LIPE: variants seen among roughly 807,000 people sequenced by gnomAD.
LIPE encodes the protein lipase E, hormone sensitive type.
In LIPE, 66 loss-of-function variants were observed where a neutral mutation model predicts 88.5. That is an observed-to-expected ratio of 0.75 (90% CI 0.61 to 0.91). LIPE has a LOEUF of 0.91. LIPE is among the 40% of genes least tolerant of loss of function. The pLI is 0.00. For synonymous variants in LIPE, 570 were observed against 617.5 expected, an observed-to-expected ratio of 0.92 and a Z score of 1.14; for missense variants, 1,346 against 1,434.7, an observed-to-expected ratio of 0.94 and a Z score of 1.00.
Position 42,405,465 on chromosome 19 carries a change from CG to C in LIPE, c.2461del (p.Arg821AlafsTer14). ...RDTALLLRDFRLGASSWLNSF... is the reference protein window; with the variant it reads ...RDTALLLRDFXLGASSWLNSF... Reference sequence around the variant, plus strand: ...GTTGAGCCATGAGGAGGCACCCAGGCGGAAGTCTCGGAGGAGCAGGGCTGTG... The same window carrying C: ...GTTGAGCCATGAGGAGGCACCCAGGCGAAGTCTCGGAGGAGCAGGGCTGTG... On this transcript the variant is annotated frameshift_variant, in exon 8 of 10. Coordinates refer to ENST00000244289, the MANE Select transcript of LIPE (RefSeq NM_005357.4). LOFTEE classifies it high-confidence loss of function. 2 of 1,614,046 alleles carry C rather than the reference CG, an allele frequency of 1.2e-6. No homozygotes were observed. The highest frequency in any genetic ancestry group is 1.1e-5 in the South Asian group (1 of 91,070).
intron 1 of LIPE, chr19:42,423,566 A>C: frequency 8.2e-7 from 1 of 1,226,730 alleles, no homozygotes; most frequent in Non-Finnish European, 1.0e-6. Flanking sequence ...CGCGGGGGCC[A>C]ATTCCAGCCG....
At chr19:42,416,271 G>A (rs1305180105) in intron 1 of LIPE, among the ~76,000 whole-genome samples, 2 of 152,140 alleles carry the variant, frequency 1.3e-5, no homozygotes, top group Non-Finnish European at 2.9e-5. Context: ...TTGAACCTGG[G>A]AGGCGGTGGT....
chr19:42,401,826 C>G lies in LIPE; in HGVS notation c.3217G>C (p.Gly1073Arg). The change falls in exon 10 of 10, where the codon GGG becomes CGG. Residue 1073 changes from glycine to arginine, a missense_variant. Coordinates refer to ENST00000244289, the MANE Select transcript of LIPE (RefSeq NM_005357.4). ...TGAAGVDGGCGGRH is the reference protein window; with the variant it reads ...TGAAGVDGGCRGRH ...ACAACAGGCTTTTAGTGTCGCCCCC[C>G]GCAGCCCCCGTCTACCCCCGCAGCC... is the stretch of plus-strand genomic sequence containing the variant. The G allele has an allele frequency of 1.3e-6, 2 of 1,486,132 alleles. No individual in the cohort carries two copies. Among genetic ancestry groups the G allele is most frequent in the South Asian group, 1.3e-5 (1 of 75,968 alleles). 92.1% of individuals were successfully genotyped at this position (1,486,132 alleles called of 1,614,324 possible).
intron 1 of LIPE, among the ~76,000 whole-genome samples, chr19:42,415,218 C>T (rs954242056): frequency 3.3e-5 from 5 of 151,748 alleles, no homozygotes; most frequent in South Asian, 2.1e-4. Context: ...GAAAATAGAG[C>T]GAGAGTCTGT....
At chr19:42,402,122 A>C in intron 9 of LIPE, 47 bp from the exon 10 acceptor site, 1 of 1,417,944 alleles carries the variant, frequency 7.1e-7, no homozygotes, top group Non-Finnish European at 9.2e-7. Flanking sequence ...GGGGACAGAC[A>C]GACCGGGGTC....
At chr19:42,416,872 G>C (rs1180851764) in intron 1 of LIPE, among the ~76,000 whole-genome samples, 2 of 152,208 alleles carry the variant, frequency 1.3e-5, no homozygotes, top group African/African-American at 4.8e-5. Flanking sequence ...CTGTTCTGCA[G>C]CCCACCAGCC....
intron 1 of LIPE, among the ~76,000 whole-genome samples, chr19:42,425,977 T>C (rs2040699231): frequency 1.3e-5 from 2 of 152,036 alleles, no homozygotes; most frequent in South Asian, 4.2e-4. Flanking sequence ...AATTTTTGTA[T>C]TTTTAGTAGA....
intron 1 of LIPE, among the ~76,000 whole-genome samples, chr19:42,422,374 A>C (rs1206087700): frequency 1.3e-5 from 2 of 152,194 alleles, no homozygotes; most frequent in Non-Finnish European, 2.9e-5. Context: ...TCTTAACTAC[A>C]GTCTGTACTG....
chr19:42,426,501 GCTGTATGGATAGTTC>G lies in LIPE; in HGVS notation c.634_648del (p.Glu212_Gln216del). Reference sequence around the variant, plus strand: ...AGTGCCTTCCACTCTAGGGCTGATCGCTGTATGGATAGTTCCTGAAGTTTTGTTAGAAATCCCAGC... The same window carrying G: ...AGTGCCTTCCACTCTAGGGCTGATCGCTGAAGTTTTGTTAGAAATCCCAGC... On this transcript the variant is annotated inframe_deletion, in exon 1 of 10. Transcript: ENST00000244289. 1 of 1,614,148 alleles carries G rather than the reference GCTGTATGGATAGTTC, an allele frequency of 6.2e-7. No individual in the cohort carries two copies. Among genetic ancestry groups the G allele is most frequent in the Non-Finnish European group, 8.5e-7 (1 of 1,180,014 alleles).
At position 42,410,156 on chromosome 19, in the gene LIPE, C is replaced by T. The variant is rs1036290876; in HGVS notation, c.1419+151G>A. ...TTTGAGACCCCTGGTGCAGCTCTGT[C>T]TGAGCTCCAGCCAACTTCTCCTTTC... On this transcript the variant is annotated intron_variant, in intron 2 of 9. Transcript: ENST00000244289. The surrounding 1 kb of genome is among the most constrained non-coding windows in gnomAD (Gnocchi z 6.1). 3.5e-5 allele frequency: 28 copies of T among 797,092 alleles called. No individual in the cohort carries two copies. Among genetic ancestry groups the T allele is most frequent in the Non-Finnish European group, 4.8e-5 (25 of 515,792 alleles). The allele number at this position is 797,092 out of a possible 1,614,324, so 49.4% of individuals were successfully genotyped here.
At chr19:42,404,973 C>T (rs746639782) in intron 8 of LIPE, among the ~76,000 whole-genome samples, 16 of 152,100 alleles carry the variant, frequency 1.1e-4, no homozygotes, top group East Asian at 7.7e-4. Flanking sequence ...CAGGTTCAAG[C>T]GGTTCTCATG....
Position 42,402,803 on chromosome 19 carries a change from G to T in LIPE, c.2771C>A (p.Ala924Asp). Residue 924 changes from alanine to aspartate, a missense_variant, in exon 9 of 10, where the codon GCC becomes GAC. Transcript: ENST00000244289. ...GTCCATGGGGCTCAGCTCATTTTTGGCCTCAGCCTCTTCCCCTGCATCCTC... is the reference window on the plus strand; with the variant it reads ...GTCCATGGGGCTCAGCTCATTTTTGTCCTCAGCCTCTTCCCCTGCATCCTC... ...PPEDAGEEAE[A>D]KNELSPMDRG... 1 of 1,612,176 alleles carries T rather than the reference G, an allele frequency of 6.2e-7. No homozygotes were observed. Among genetic ancestry groups the T allele is most frequent in the Admixed American group, 1.7e-5 (1 of 59,880 alleles).
intron 1 of LIPE, among the ~76,000 whole-genome samples, chr19:42,412,929 C>T (rs994881196): frequency 6.6e-6 from 1 of 152,342 alleles, no homozygotes; most frequent in Non-Finnish European, 1.5e-5. Flanking sequence ...CAGTGCCAGG[C>T]TCAGCTAGGG....
At chr19:42,425,597 G>C (rs1568615679) in intron 1 of LIPE, among the ~76,000 whole-genome samples, 2 of 151,990 alleles carry the variant, frequency 1.3e-5, no homozygotes, top group Non-Finnish European at 2.9e-5. Flanking sequence ...GGCTTGCTTG[G>C]GGCCAGGAGT....
Position 42,410,868 on chromosome 19 carries a change from A to C in LIPE, c.884-26T>G. Reference sequence around the variant, plus strand: ...CTGTGGGCAGGTGGGGAGGCCTGTTAGGTGGGGCTGGATCAAGCCTTGCTT... The same window carrying C: ...CTGTGGGCAGGTGGGGAGGCCTGTTCGGTGGGGCTGGATCAAGCCTTGCTT... On this transcript the variant is annotated intron_variant, in intron 1 of 9. Transcript: ENST00000244289. This position sits in a 1 kb window ranked among gnomAD's most constrained non-coding sequence, Gnocchi z 6.1. 1 of 1,525,280 alleles carries C rather than the reference A, an allele frequency of 6.6e-7. No homozygotes were observed. The highest frequency in any genetic ancestry group is 8.8e-7 in the Non-Finnish European group (1 of 1,138,404). 94.5% of individuals were successfully genotyped at this position (1,525,280 alleles called of 1,614,324 possible).
chr19:42,423,662 G>T (rs1367758803), intron 1 of LIPE: 118 of 1,161,738 alleles, frequency 1.0e-4, no homozygotes, highest in Non-Finnish European at 1.2e-4. Flanking sequence ...TCTTCTCTGG[G>T]TCCAGCTCCC....
chr19:42,423,103 C>A, intron 1 of LIPE: 1 of 285,050 alleles, frequency 3.5e-6, no homozygotes, highest in Non-Finnish European at 7.0e-6. Context: ...GTGGGAAACA[C>A]TGAGGGCATC....
intron 8 of LIPE, among the ~76,000 whole-genome samples, 159 bp downstream of exon 8, chr19:42,405,226 A>G (rs2040131042): frequency 6.6e-6 from 1 of 152,064 alleles, no homozygotes; most frequent in Non-Finnish European, 1.5e-5. Flanking sequence ...GCTGATCTTG[A>G]ACCCCTGACC....
chr19:42,420,479 G>T (rs1249471576), intron 1 of LIPE, among the ~76,000 whole-genome samples: 1 of 152,014 alleles, frequency 6.6e-6, no homozygotes, highest in African/African-American at 2.4e-5. Flanking sequence ...TGTATGAATG[G>T]ATATACATGC....
Sources: gnomAD v4.1 joint callset for allele counts (sites outside exome capture counted in the v4.1 genomes callset) on GRCh38, gnomAD v4.1.1 for gene constraint, Gnocchi (gnomAD v3.1) non-coding constraint, MANE v1.5 for transcripts, NCBI Gene and HGNC (gene_info 2026-07-23, HGNC 2026-07-21) for gene names.